Variants in DMXL1 observed in about 807,000 individuals in gnomAD.
The protein encoded by DMXL1 is dmX-like protein 1.
Under a neutral mutation model 319.2 loss-of-function variants are expected in DMXL1, and 99 were observed. The ratio of observed to expected loss-of-function variants is 0.31; its 90% CI spans 0.26 to 0.37. DMXL1 has a LOEUF of 0.37. Ranked by LOEUF, DMXL1 falls within the 10% of genes least tolerant of loss-of-function variation. The pLI, the probability that DMXL1 is intolerant of heterozygous loss-of-function variation, is 1.00. For missense variants in DMXL1, 3,745 were observed against 3,595.6 expected, an observed-to-expected ratio of 1.04 and a Z score of -1.06; for synonymous variants, 1,385 against 1,235.2, an observed-to-expected ratio of 1.12 and a Z score of -2.54.
intron 33 of DMXL1, among the ~76,000 whole-genome samples, chr5:119,204,287 G>A (rs112524508): frequency 1.3e-3 from 192 of 152,166 alleles, no homozygotes; most frequent in African/African-American, 4.3e-3. Flanking sequence ...GCAGATGAAC[G>A]CCACCATGCC....
At chr5:119,085,743 A>G (rs1233909895) in intron 1 of DMXL1, among the ~76,000 whole-genome samples, 2 of 152,146 alleles carry the variant, frequency 1.3e-5, no homozygotes, top group Non-Finnish European at 2.9e-5. Flanking sequence ...AAAGTGGTGA[A>G]AGTCGGCATT....
intron 34 of DMXL1, among the ~76,000 whole-genome samples, chr5:119,208,276 C>T (rs1782106443): frequency 6.7e-6 from 1 of 149,568 alleles, no homozygotes; most frequent in African/African-American, 2.5e-5. Flanking sequence ...TGCAGTGGCG[C>T]GATCTCAGCT....
At chr5:119,120,656 A>G (rs934960180) in intron 8 of DMXL1, among the ~76,000 whole-genome samples, 5 of 152,224 alleles carry the variant, frequency 3.3e-5, no homozygotes, top group African/African-American at 7.2e-5. Flanking sequence ...TAGTATTGGG[A>G]AAAAAATTTT....
At chr5:119,144,249 A>G (rs2150112948) in intron 14 of DMXL1, among the ~76,000 whole-genome samples, 1 of 151,948 alleles carries the variant, frequency 6.6e-6, no homozygotes. Flanking sequence ...GTTATTGAAA[A>G]TCACTGAAAA....
intron 21 of DMXL1, among the ~76,000 whole-genome samples, chr5:119,165,664 G>A (rs543003168): frequency 6.6e-6 from 1 of 152,320 alleles, no homozygotes; most frequent in Non-Finnish European, 1.5e-5. Context: ...GGCTGGGAAG[G>A]CCTCACAATC....
intron 1 of DMXL1, among the ~76,000 whole-genome samples, chr5:119,082,010 TATATATATATACACACACAC>T (rs1238107393): frequency 1.3e-5 from 1 of 77,146 alleles, no homozygotes; most frequent in African/African-American, 3.4e-5. Context: ...TATATATATA[TATATATATATACACACACAC>T]ACACACACAC....
In DMXL1 at chr5:119,170,961, A is replaced by G. The variant is rs1195734372; in HGVS notation, c.6170A>G (p.Tyr2057Cys). The G allele has an allele frequency of 8.1e-6, 13 of 1,613,778 alleles. No homozygotes were observed. In the Admixed American group the frequency reaches 2.0e-4, roughly 25 times the overall value. The change falls in exon 24 of 44, where the codon TAC becomes TGC. Residue 2057 changes from tyrosine to cysteine, a missense_variant. Transcript: ENST00000539542. ...GYEIDGGKLR[Y>C]QLYHWLEKEV... The stretch of plus-strand genomic sequence containing the variant: ...GAAATAGATGGTGGAAAATTGCGTT[A>G]CCAACTATACCACTGGCTTGAAAAA...
chr5:119,082,493 G>A (rs1752467426), intron 1 of DMXL1, among the ~76,000 whole-genome samples: 1 of 152,022 alleles, frequency 6.6e-6, no homozygotes, highest in Non-Finnish European at 1.5e-5. Context: ...CAGACTGGTC[G>A]TGAACTCCTG....
chr5:119,173,718 GTATA>G (rs1232840255), intron 25 of DMXL1, among the ~76,000 whole-genome samples: 6 of 126,174 alleles, frequency 4.8e-5, no homozygotes, highest in African/African-American at 1.5e-4. Context: ...ATGTGTGTGT[GTATA>G]TATATATATG....
intron 13 of DMXL1, among the ~76,000 whole-genome samples, chr5:119,136,034 G>A (rs1046988573): frequency 2.2e-4 from 33 of 152,334 alleles, no homozygotes; most frequent in African/African-American, 7.5e-4. Context: ...CTAGAGACTT[G>A]TTGAATGGTT....
chr5:119,114,421 ACTTTTT>A (rs1277374909), intron 5 of DMXL1, 48 bp from the exon 6 acceptor site: 19 of 1,278,822 alleles, frequency 1.5e-5, no homozygotes, highest in Middle Eastern at 2.6e-4. Context: ...AGAATATTGA[ACTTTTT>A]CTTTTTAGTT....
chr5:119,244,084 A>G (rs534341905), intron 42 of DMXL1, among the ~76,000 whole-genome samples: 55 of 152,176 alleles, frequency 3.6e-4, no homozygotes, highest in African/African-American at 1.2e-3. Flanking sequence ...AACCAGTTCA[A>G]CCAGGGTTCC....
chr5:119,225,330 A>T (rs1413876764), intron 38 of DMXL1, among the ~76,000 whole-genome samples: 1 of 152,064 alleles, frequency 6.6e-6, no homozygotes, highest in African/African-American at 2.4e-5. Context: ...TAATCTTCCT[A>T]GGAATCTTAA....
rs1561865409 is a variant in DMXL1 at position 119,202,882 on chromosome 5, TTTTTATA to T, written c.7746-435_7746-429del. ...ATACATACATATATATATATATATA[TTTTTATA>T]TATATATATATATATATTTATATAT... On this transcript the variant is annotated intron_variant, in intron 32 of 43. Transcript: ENST00000539542. Among the ~76,000 whole-genome samples the T allele has an allele frequency of 4.7e-3, 525 of 110,924 alleles. 8 individuals are homozygous for T. The highest frequency in any genetic ancestry group is 0.029 in the South Asian group (114 of 3,870). The allele number at this position is 110,924 out of a possible 152,430, so 72.8% of individuals were successfully genotyped here.
chr5:119,127,176 A>G (rs1763778365), intron 9 of DMXL1: 1 of 163,756 alleles, frequency 6.1e-6, no homozygotes, highest in Non-Finnish European at 1.4e-5. Context: ...ACATCTTTCA[A>G]GTCTTGTATG....
At chr5:119,145,278 T>C (rs1290717762) in intron 15 of DMXL1, among the ~76,000 whole-genome samples, 1 of 151,814 alleles carries the variant, frequency 6.6e-6, no homozygotes, top group African/African-American at 2.4e-5. Flanking sequence ...TTGTTCAGAC[T>C]TTTTTCTTCT....
chr5:119,150,481 A>G, intron 18 of DMXL1, 60 bp downstream of exon 18: 1 of 1,492,316 alleles, frequency 6.7e-7, no homozygotes, highest in East Asian at 2.4e-5. Context: ...ATAATTTTAA[A>G]TAATTTTTAT....
chr5:119,098,171 G>A (rs2149782328), intron 2 of DMXL1, 67 bp downstream of exon 2: 3 of 1,515,204 alleles, frequency 2.0e-6, no homozygotes, highest in Non-Finnish European at 2.7e-6. Flanking sequence ...AATCTCTGAA[G>A]TGTGTATTTC....
chr5:119,191,116 T>G (rs561252981), intron 29 of DMXL1, among the ~76,000 whole-genome samples: 79 of 152,378 alleles, frequency 5.2e-4, no homozygotes, highest in Non-Finnish European at 9.7e-4. Context: ...CAAATATCTT[T>G]AAAGGTCACA....
Sources: gnomAD v4.1 joint callset for allele counts (sites outside exome capture counted in the v4.1 genomes callset) on GRCh38, gnomAD v4.1.1 for gene constraint, MANE v1.5 for transcripts, NCBI Gene and HGNC (gene_info 2026-07-23, HGNC 2026-07-21) for gene names.